The following ELOVL4 variants were observed in gnomAD, a reference collection of about 807,000 sequenced individuals.
ELOVL4 encodes the protein very long chain fatty acid elongase 4.
Under a neutral mutation model 42.1 loss-of-function variants are expected in ELOVL4, and 18 were observed. That is an observed-to-expected ratio of 0.43 (90% CI 0.30 to 0.63). The LOEUF (loss-of-function observed/expected upper bound fraction) is 0.63, where lower values mean the gene tolerates loss of function less well. Ranked by LOEUF, ELOVL4 falls within the 30% of genes least tolerant of loss-of-function variation. The probability of loss-of-function intolerance (pLI) is 0.15; values close to 1 mark genes in which losing one functional copy is unlikely to be tolerated. For missense variants in ELOVL4, 299 were observed against 376.2 expected (o/e 0.79, Z 1.70); for synonymous variants, 117 against 127.0 (o/e 0.92, Z 0.53).
At chr6:79,944,811 T>C (rs1774708603) in intron 1 of ELOVL4, among the ~76,000 whole-genome samples, 2 of 152,102 alleles carry the variant, frequency 1.3e-5, no homozygotes, top group South Asian at 2.1e-4. Context: ...CTCATCACTA[T>C]TTCTCAAGAC....
chr6:79,941,186 T>C (rs1303857557), intron 1 of ELOVL4, among the ~76,000 whole-genome samples: 1 of 152,224 alleles, frequency 6.6e-6, no homozygotes, highest in Non-Finnish European at 1.5e-5. Flanking sequence ...TCTAGACTTT[T>C]AGAGTCAGGT....
intron 1 of ELOVL4, among the ~76,000 whole-genome samples, chr6:79,940,005 C>T (rs239522): frequency 0.46 from 70,591 of 152,042 alleles, 18,546 homozygotes; most frequent in African/African-American, 0.73. Context: ...TTATCCAACA[C>T]TGGACATCTG....
chr6:79,947,142 G>C (rs746594703), intron 1 of ELOVL4, 38 bp downstream of exon 1: 4 of 1,553,492 alleles, frequency 2.6e-6, no homozygotes, highest in East Asian at 2.3e-5. Context: ...GACCCCCCGC[G>C]GGGGACCGAG....
chr6:79,942,778 C>T (rs1156988141), intron 1 of ELOVL4, among the ~76,000 whole-genome samples: 1 of 152,170 alleles, frequency 6.6e-6, no homozygotes, highest in African/African-American at 2.4e-5. Context: ...TTACTTTATG[C>T]TATCATTGGG....
rs1774770255 is a variant in ELOVL4 at position 79,947,399 on chromosome 6, G to T, written c.-120C>A. 1.3e-6 allele frequency: 1 copy of T among 764,140 alleles called. No homozygotes were observed. The highest frequency in any genetic ancestry group is 1.7e-5 in the African/African-American group (1 of 58,052). 47.3% of individuals were successfully genotyped at this position (764,140 alleles called of 1,614,324 possible). ...GCCGGGAACCCCTCTAACGGCGGCGGCCCGGCTGCGTCTTCTCCTGCTCCT... is the reference window on the plus strand; with the variant it reads ...GCCGGGAACCCCTCTAACGGCGGCGTCCCGGCTGCGTCTTCTCCTGCTCCT... On this transcript the variant is annotated 5_prime_UTR_variant, in exon 1 of 6. Transcript: ENST00000369816.
At chr6:79,925,417 T>C (rs1242520891) in intron 2 of ELOVL4, among the ~76,000 whole-genome samples, 1 of 152,188 alleles carries the variant, frequency 6.6e-6, no homozygotes, top group African/African-American at 2.4e-5. Flanking sequence ...TAAATTAAAG[T>C]GTTCATGAAG....
chr6:79,926,989 C>G (rs1458566610), intron 1 of ELOVL4, among the ~76,000 whole-genome samples: 1 of 152,180 alleles, frequency 6.6e-6, no homozygotes, highest in Non-Finnish European at 1.5e-5. Context: ...TGAGAACATG[C>G]ACCTATTTTA....
chr6:79,936,549 T>C (rs1257583236), intron 1 of ELOVL4, among the ~76,000 whole-genome samples: 2 of 152,240 alleles, frequency 1.3e-5, no homozygotes, highest in Non-Finnish European at 2.9e-5. Context: ...GCTGTATCTC[T>C]GTTAACAATG....
intron 5 of ELOVL4, among the ~76,000 whole-genome samples, chr6:79,917,875 A>C (rs1264081513): frequency 2.0e-5 from 3 of 152,222 alleles, no homozygotes; most frequent in Non-Finnish European, 4.4e-5. Flanking sequence ...TTCAGAATAA[A>C]TACAAAAAGA....
At chr6:79,921,164 T>A (rs1252867424) in intron 4 of ELOVL4, among the ~76,000 whole-genome samples, 2 of 151,994 alleles carry the variant, frequency 1.3e-5, no homozygotes, top group East Asian at 1.9e-4. Context: ...TCAAATTTTT[T>A]AAAAAATGAA....
At chr6:79,919,310 G>C in intron 5 of ELOVL4, 110 bp downstream of exon 5, 9 of 1,299,426 alleles carry the variant, frequency 6.9e-6, no homozygotes, top group African/African-American at 1.5e-5. Context: ...GGAGGATAAA[G>C]TTAATTTCAT....
chr6:79,933,992 A>G (rs568735457), intron 1 of ELOVL4, among the ~76,000 whole-genome samples: 2 of 152,382 alleles, frequency 1.3e-5, no homozygotes, highest in Admixed American at 6.5e-5. Flanking sequence ...GTCATGATCC[A>G]TAACAGAGTA....
chr6:79,941,633 G>A (rs139853881), intron 1 of ELOVL4, among the ~76,000 whole-genome samples: 434 of 152,254 alleles, frequency 2.9e-3, no homozygotes, highest in Non-Finnish European at 3.6e-3. Flanking sequence ...GGGCTGAGGT[G>A]GGCAGATCAC....
intron 5 of ELOVL4, 108 bp from the exon 6 acceptor site, chr6:79,916,991 T>G: frequency 7.9e-7 from 1 of 1,268,136 alleles, no homozygotes; most frequent in Non-Finnish European, 1.1e-6. Flanking sequence ...TTTGCCACAC[T>G]GTGCAAAATT....
chr6:79,930,155 C>T (rs1269452864), intron 1 of ELOVL4, among the ~76,000 whole-genome samples: 1 of 152,194 alleles, frequency 6.6e-6, no homozygotes, highest in Non-Finnish European at 1.5e-5. Context: ...AGCTCAATGA[C>T]CTTTTACTTC....
chr6:79,940,603 T>C (rs1158629320), intron 1 of ELOVL4, among the ~76,000 whole-genome samples: 3 of 152,184 alleles, frequency 2.0e-5, no homozygotes, highest in African/African-American at 7.2e-5. Context: ...AGACTGAGTT[T>C]AGACTGATAT....
At chr6:79,925,216 T>C (rs967265729) in intron 2 of ELOVL4, among the ~76,000 whole-genome samples, 184 bp from the exon 3 acceptor site, 4 of 152,204 alleles carry the variant, frequency 2.6e-5, no homozygotes, top group African/African-American at 7.2e-5. Flanking sequence ...ATTTGTTCTA[T>C]AATTAAAATC....
At chr6:79,918,018 A>T (rs1774189917) in intron 5 of ELOVL4, among the ~76,000 whole-genome samples, 2 of 152,176 alleles carry the variant, frequency 1.3e-5, no homozygotes, top group South Asian at 4.1e-4. Context: ...TTTTTATACA[A>T]TTAACTTATA....
rs143182928 is a variant in ELOVL4, at chr6:79,937,829, T to C, written c.100+9351A>G. On this transcript the variant is annotated intron_variant, in intron 1 of 5. Coordinates refer to ENST00000369816, the MANE Select transcript of ELOVL4 (RefSeq NM_022726.4). ...TTAAATAATATCTAACTTATAGAGA[T>C]GATCTGAAAATTAAATATAAGGTGT... is the stretch of plus-strand genomic sequence containing the variant. Among the ~76,000 whole-genome samples, 473 of 152,344 alleles carry C rather than the reference T, an allele frequency of 3.1e-3. 2 individuals carry two copies. The highest frequency in any genetic ancestry group is 0.014 in the Middle Eastern group (4 of 294).
Sources: allele counts gnomAD v4.1 joint callset (sites outside exome capture counted in the v4.1 genomes callset), GRCh38; gene constraint gnomAD v4.1.1; transcripts MANE v1.5; gene names NCBI Gene and HGNC (gene_info 2026-07-23, HGNC 2026-07-21).